ANO4: variants seen among roughly 807,000 people sequenced by gnomAD.
ANO4 encodes anoctamin-4.
Under a neutral mutation model 141.9 loss-of-function variants are expected in ANO4, and 69 were observed. That is an observed-to-expected ratio of 0.49 (90% CI 0.40 to 0.59). The LOEUF is 0.59. Ranked by LOEUF, ANO4 falls within the 20% of genes least tolerant of loss-of-function variation. The probability of loss-of-function intolerance (pLI) is 0.00; values close to 1 mark genes in which losing one functional copy is unlikely to be tolerated. For synonymous variants in ANO4, 350 were observed against 394.3 expected, an observed-to-expected ratio of 0.89 and a Z score of 1.33; for missense variants, 894 against 1,162.2, an observed-to-expected ratio of 0.77 and a Z score of 3.36.
intron 3 of ANO4, among the ~76,000 whole-genome samples, chr12:100,786,060 A>C (rs1435138692): frequency 6.6e-6 from 1 of 152,150 alleles, no homozygotes; most frequent in African/African-American, 2.4e-5. Flanking sequence ...GTTGCAGAGA[A>C]ATGAGGGGAA....
At chr12:100,948,039 A>C (rs1307643285) in intron 5 of ANO4, among the ~76,000 whole-genome samples, 13 of 151,830 alleles carry the variant, frequency 8.6e-5, no homozygotes, top group South Asian at 2.1e-4. Context: ...ACAACAACAA[A>C]AAAAATTAGC....
intron 10 of ANO4, chr12:101,038,683 A>G (rs1378220191): frequency 6.6e-6 from 1 of 152,094 alleles, no homozygotes; most frequent in Admixed American, 6.5e-5. Flanking sequence ...ATAGAGGTTT[A>G]GAGAAAGGTG....
At chr12:100,849,041 G>A (rs946450570) in intron 1 of ANO4, among the ~76,000 whole-genome samples, 9 of 152,096 alleles carry the variant, frequency 5.9e-5, no homozygotes, top group African/African-American at 1.7e-4. Flanking sequence ...TGTAGGCCTC[G>A]TGCACGTGTT....
At chr12:101,105,082 T>C (rs2050388433) in intron 22 of ANO4, among the ~76,000 whole-genome samples, 1 of 152,148 alleles carries the variant, frequency 6.6e-6, no homozygotes, top group African/African-American at 2.4e-5. Flanking sequence ...CCTTAAAACC[T>C]TTCAAAGGGC....
At chr12:100,972,855 T>C (rs1290206099) in intron 6 of ANO4, among the ~76,000 whole-genome samples, 2 of 152,186 alleles carry the variant, frequency 1.3e-5, no homozygotes, top group Non-Finnish European at 2.9e-5. Flanking sequence ...CCCAGGGAGA[T>C]GATAGAAACT....
intron 21 of ANO4, 31 bp from the exon 22 acceptor site, chr12:101,099,547 T>A (rs2050112594): frequency 1.3e-6 from 2 of 1,569,708 alleles, no homozygotes; most frequent in African/African-American, 2.8e-5. Flanking sequence ...ATCAGTTACA[T>A]TTTTTGTAAG....
At position 100,739,812 on chromosome 12, in the gene ANO4, GC is replaced by G. The variant is rs1464172848; in HGVS notation, c.107-41del. On this transcript the variant is annotated intron_variant, in intron 2 of 29. Coordinates refer to the ANO4 transcript ENST00000644049. ...AGTATGAAAATAAGCACACTATATG[GC>G]TTTGATTGCTGCCACTCACCTAATA... 5.2e-5 allele frequency: 36 copies of G among 698,342 alleles called. 1 individual carries two copies. The highest frequency in any genetic ancestry group is 3.5e-4 in the African/African-American group (20 of 57,230). 43.3% of individuals were successfully genotyped at this position (698,342 alleles called of 1,614,324 possible).
chr12:101,044,823 C>T (rs1285188267), intron 13 of ANO4, among the ~76,000 whole-genome samples: 2 of 152,126 alleles, frequency 1.3e-5, no homozygotes, highest in East Asian at 3.9e-4. Context: ...AGGAAACACT[C>T]AGATAGACCT....
At chr12:101,095,382 T>C (rs1019662972) in intron 18 of ANO4, among the ~76,000 whole-genome samples, 6 of 152,020 alleles carry the variant, frequency 3.9e-5, no homozygotes, top group Non-Finnish European at 5.9e-5. Context: ...AGAAATGCCA[T>C]TGGAGGTACA....
chr12:100,814,450 T>C (rs2035615630), intron 1 of ANO4, among the ~76,000 whole-genome samples: 1 of 151,958 alleles, frequency 6.6e-6, no homozygotes, highest in Admixed American at 6.6e-5. Flanking sequence ...GCAGTAAGGA[T>C]GGAGGAAAAC....
intron 1 of ANO4, chr12:100,858,937 C>T (rs1487643504): frequency 2.0e-5 from 3 of 152,108 alleles, no homozygotes; most frequent in Non-Finnish European, 4.4e-5. Flanking sequence ...ACTAGGTTTT[C>T]ACAAAAGAAG....
intron 1 of ANO4, among the ~76,000 whole-genome samples, chr12:100,872,629 G>T (rs2039089570): frequency 6.6e-6 from 1 of 152,184 alleles, no homozygotes; most frequent in African/African-American, 2.4e-5. Context: ...TTGTTCATTT[G>T]TATGATGCTA....
chr12:101,080,883 T>TATATTATATATATA (rs1491584060), intron 15 of ANO4, among the ~76,000 whole-genome samples: 3 of 74,100 alleles, frequency 4.0e-5, no homozygotes, highest in Admixed American at 1.8e-4. Flanking sequence ...TATATATATA[T>TATATTATATATATA]TATATATATA....
intron 17 of ANO4, among the ~76,000 whole-genome samples, chr12:101,087,308 A>G (rs967452527): frequency 3.3e-5 from 5 of 151,844 alleles, no homozygotes; most frequent in Admixed American, 6.6e-5. Context: ...GCTTGAGCCC[A>G]GGAGTTCAAG....
chr12:100,722,611 C>A (rs2030918353), intron 1 of ANO4, among the ~76,000 whole-genome samples: 1 of 152,140 alleles, frequency 6.6e-6, no homozygotes, highest in Admixed American at 6.6e-5. Context: ...CTTTCCATAG[C>A]AGGTTCTAAT....
At chr12:100,717,578 G>C in intron 1 of ANO4, 1 of 400,074 alleles carries the variant, frequency 2.5e-6, no homozygotes, top group Middle Eastern at 3.7e-4. Flanking sequence ...TTCCTGGGGC[G>C]GCGGGGCGGA....
Position 100,752,984 on chromosome 12 carries a change from G to T in ANO4, c.358+12879G>T, listed in dbSNP as rs538958582. Among the ~76,000 whole-genome samples, 10 of 152,264 alleles carry T rather than the reference G, an allele frequency of 6.6e-5. No individual in the cohort carries two copies. In the East Asian group the frequency reaches 1.9e-3, roughly 29 times the overall value. ...TCTTGGAGTTGGCTGGCTCTTGGCT[G>T]ATCTAGGTTGTCCTCAATGGGAGCA... On this transcript the variant is annotated intron_variant, in intron 3 of 29. Coordinates refer to the ANO4 transcript ENST00000644049.
intron 9 of ANO4, among the ~76,000 whole-genome samples, chr12:101,034,572 A>G (rs970577947): frequency 6.6e-6 from 1 of 151,490 alleles, no homozygotes; most frequent in Non-Finnish European, 1.5e-5. Context: ...CCTATGTAAC[A>G]AACCTGCACA....
intron 8 of ANO4, among the ~76,000 whole-genome samples, chr12:100,990,828 G>A (rs193277430): frequency 1.3e-5 from 2 of 152,166 alleles, no homozygotes; most frequent in South Asian, 4.1e-4. Context: ...GGGGCGAAAG[G>A]CATCCCAAGA....
Sources: allele counts gnomAD v4.1 joint callset (sites outside exome capture counted in the v4.1 genomes callset), GRCh38; gene constraint gnomAD v4.1.1; transcripts MANE v1.5; gene names NCBI Gene and HGNC (gene_info 2026-07-23, HGNC 2026-07-21).